Variants in ACYP2 observed in about 807,000 individuals in gnomAD.
The protein encoded by ACYP2 is acylphosphatase-2.
A neutral mutation model predicts 11.2 loss-of-function variants in ACYP2; 12 were observed. The ratio of observed to expected loss-of-function variants is 1.08; its 90% CI spans 0.69 to 1.74. ACYP2 has a LOEUF of 1.74. ACYP2 is among the 40% of genes most tolerant of loss of function. The pLI, the probability that ACYP2 is intolerant of heterozygous loss-of-function variation, is 0.00. For synonymous variants in ACYP2, 43 were observed against 32.2 expected (o/e 1.33, Z -1.13); for missense variants, 134 against 101.9 (o/e 1.31, Z -1.35).
intron 2 of ACYP2, among the ~76,000 whole-genome samples, chr2:53,989,228 A>AT (rs1242958843): frequency 3.3e-5 from 5 of 151,890 alleles, no homozygotes; most frequent in Non-Finnish European, 7.4e-5. Flanking sequence ...CAATACTTAA[A>AT]TAAGAAGACA....
intron 6 of ACYP2, among the ~76,000 whole-genome samples, chr2:54,251,128 A>G (rs1186293861): frequency 6.6e-6 from 1 of 152,262 alleles, no homozygotes; most frequent in Non-Finnish European, 1.5e-5. Context: ...AAACTGTGAT[A>G]AAGGTCAGTT....
intron 2 of ACYP2, chr2:53,975,440 G>C (rs1671423813): frequency 1.5e-5 from 6 of 392,090 alleles, no homozygotes; most frequent in Non-Finnish European, 2.7e-5. Context: ...CTGCTCATTA[G>C]TGGAGACAGT....
intron 2 of ACYP2, chr2:53,975,325 CA>C (rs1671417722): frequency 2.5e-6 from 1 of 398,142 alleles, no homozygotes; most frequent in African/African-American, 2.1e-5. Flanking sequence ...CGGGAGCAAG[CA>C]AAATAAGGTC....
intron 6 of ACYP2, chr2:54,253,536 G>A (rs1687336407): frequency 6.6e-6 from 1 of 152,032 alleles, no homozygotes; most frequent in Non-Finnish European, 1.5e-5. Context: ...CCTTCTCTAG[G>A]GAACATATTT....
At chr2:54,168,042 C>T (rs1683070332) in intron 6 of ACYP2, among the ~76,000 whole-genome samples, 2 of 152,098 alleles carry the variant, frequency 1.3e-5, no homozygotes, top group African/African-American at 4.8e-5. Context: ...ATAAAAATTG[C>T]TTCTATATTT....
At chr2:54,044,968 C>T (rs74998738) in intron 2 of ACYP2, among the ~76,000 whole-genome samples, 4,210 of 152,240 alleles carry the variant, frequency 0.028, 243 homozygotes, top group East Asian at 0.22. Context: ...GCTTCCTCAT[C>T]GTCATTTAGT....
intron 2 of ACYP2, among the ~76,000 whole-genome samples, chr2:53,982,966 C>A (rs756066690): frequency 5.3e-5 from 8 of 151,656 alleles, no homozygotes; most frequent in Non-Finnish European, 8.8e-5. Flanking sequence ...TCGTAAAGAT[C>A]CATTTCTGCA....
At chr2:54,089,816 A>AT (rs1678128019) in intron 4 of ACYP2, among the ~76,000 whole-genome samples, 2 of 151,794 alleles carry the variant, frequency 1.3e-5, no homozygotes, top group South Asian at 4.2e-4. Flanking sequence ...ATAATTCAGC[A>AT]TTTTTCCCAC....
chr2:54,207,682 A>G (rs1291546237), intron 6 of ACYP2, among the ~76,000 whole-genome samples: 1 of 152,088 alleles, frequency 6.6e-6, no homozygotes, highest in African/African-American at 2.4e-5. Flanking sequence ...ATTTAGTGCA[A>G]CTCTGCAGTA....
chr2:54,228,749 A>G (rs535356860), intron 6 of ACYP2, among the ~76,000 whole-genome samples: 3 of 152,200 alleles, frequency 2.0e-5, no homozygotes, highest in African/African-American at 7.2e-5. Context: ...AGAGAAAGAA[A>G]AAGTCCATTC....
rs182659104 is a variant in ACYP2, at chr2:54,071,945, A to C, written c.277+14585A>C. Among the ~76,000 whole-genome samples the C allele has an allele frequency of 9.3e-3, 1,408 of 152,186 alleles. 51 individuals are homozygous for C. The highest frequency in any genetic ancestry group is 0.067 in the East Asian group (345 of 5,168). ...AGAATCATTTGAACCCAGGAGGCGG[A>C]GGTTGCAGTGAGCTGAGATCGCACC... On this transcript the variant is annotated intron_variant, in intron 4 of 6. Coordinates refer to ENST00000607452, the MANE Select transcript of ACYP2 (RefSeq NM_001320586.2).
chr2:54,280,085 C>G (rs1688778552), intron 6 of ACYP2, among the ~76,000 whole-genome samples: 1 of 152,124 alleles, frequency 6.6e-6, no homozygotes, highest in Non-Finnish European at 1.5e-5. Context: ...GAACCAAACA[C>G]CATGATAGGA....
chr2:54,266,320 A>G (rs774909223), intron 6 of ACYP2, among the ~76,000 whole-genome samples: 4 of 152,192 alleles, frequency 2.6e-5, no homozygotes, highest in Non-Finnish European at 5.9e-5. Flanking sequence ...TTTCAAAAAT[A>G]TAAGTATATG....
chr2:54,060,444 T>C (rs1676407119), intron 4 of ACYP2, among the ~76,000 whole-genome samples: 1 of 152,192 alleles, frequency 6.6e-6, no homozygotes, highest in African/African-American at 2.4e-5. Context: ...TTTTGATCTC[T>C]CCAATGATTC....
intron 6 of ACYP2, among the ~76,000 whole-genome samples, chr2:54,279,878 C>T (rs1688769017): frequency 2.0e-5 from 3 of 152,128 alleles, no homozygotes; most frequent in Non-Finnish European, 4.4e-5. Context: ...CTTTGTATCC[C>T]AGATGCTTAG....
chr2:54,235,269 A>G (rs1051998574), intron 6 of ACYP2, among the ~76,000 whole-genome samples: 2 of 145,856 alleles, frequency 1.4e-5, no homozygotes, highest in Non-Finnish European at 3.0e-5. Context: ...AAGAATTTAT[A>G]TAAGACAGGT....
At chr2:54,273,190 G>T (rs898610353) in intron 6 of ACYP2, among the ~76,000 whole-genome samples, 8 of 152,180 alleles carry the variant, frequency 5.3e-5, no homozygotes, top group Non-Finnish European at 1.5e-5. Flanking sequence ...TTGAACAAAT[G>T]ACAAACTATG....
At chr2:54,124,837 G>A (rs1680381500) in intron 4 of ACYP2, among the ~76,000 whole-genome samples, 1 of 152,098 alleles carries the variant, frequency 6.6e-6, no homozygotes, top group Admixed American at 6.5e-5. Flanking sequence ...CTAATAGCTG[G>A]GACTAGAGGC....
chr2:53,991,594 A>G (rs1344343655), intron 2 of ACYP2, among the ~76,000 whole-genome samples: 1 of 151,808 alleles, frequency 6.6e-6, no homozygotes, highest in Non-Finnish European at 1.5e-5. Context: ...TAGTAGAGAC[A>G]GGGTTTCTCC....
Sources: gnomAD v4.1 joint callset for allele counts (sites outside exome capture counted in the v4.1 genomes callset) on GRCh38, gnomAD v4.1.1 for gene constraint, MANE v1.5 for transcripts, NCBI Gene and HGNC (gene_info 2026-07-23, HGNC 2026-07-21) for gene names.